The following CDH4 variants were observed in gnomAD, a reference collection of about 807,000 sequenced individuals.
CDH4 encodes cadherin 4.
A neutral mutation model predicts 86.0 loss-of-function variants in CDH4; 33 were observed. The observed-to-expected ratio is 0.38, with a 90% CI of 0.29 to 0.51. The LOEUF is 0.51. Among genes scored for constraint, CDH4 ranks in the 20% least tolerant of loss-of-function variants. The probability of loss-of-function intolerance (pLI) is 0.86; values close to 1 mark genes in which losing one functional copy is unlikely to be tolerated. For synonymous variants in CDH4, 555 were observed against 549.4 expected, an observed-to-expected ratio of 1.01 and a Z score of -0.14; for missense variants, 1,114 against 1,307.4, an observed-to-expected ratio of 0.85 and a Z score of 2.28.
chr20:61,578,864 G>A lies in CDH4; in HGVS notation c.170-164699G>A, dbSNP rs145189241. 2.0e-3 allele frequency among the ~76,000 whole-genome samples: 310 copies of A among 152,216 alleles called. 1 individual carries two copies. The highest frequency in any genetic ancestry group is 7.0e-3 in the African/African-American group (291 of 41,520). ...GGCCCAGGACAAGTCTAGATCCTCC[G>A]GTCAAGCAATAAGACAACAGACACC... On this transcript the variant is annotated intron_variant, in intron 2 of 15. Transcript: ENST00000614565.
rs79856002 is a variant in CDH4 at position 61,368,945 on chromosome 20, G to A, written c.169+114008G>A. On this transcript the variant is annotated intron_variant, in intron 2 of 15. Transcript: ENST00000614565. ...GTTGACACAATCCACTGAGAAGGAC[G>A]CAGCATCATTTTTGTGATATATCCC... is the stretch of plus-strand genomic sequence containing the variant. Among the ~76,000 whole-genome samples the A allele has an allele frequency of 1.5e-3, 230 of 152,270 alleles. 2 individuals carry two copies. Among genetic ancestry groups the A allele is most frequent in the African/African-American group, 5.3e-3 (220 of 41,550 alleles).
chr20:61,565,767 C>T (rs2086292777), intron 2 of CDH4, among the ~76,000 whole-genome samples: 1 of 152,198 alleles, frequency 6.6e-6, no homozygotes, highest in Admixed American at 6.5e-5. Context: ...GAGGAGAAGC[C>T]TCCTTCCACG....
At chr20:61,551,532 C>T (rs2086129773) in intron 2 of CDH4, among the ~76,000 whole-genome samples, 1 of 152,232 alleles carries the variant, frequency 6.6e-6, no homozygotes, top group South Asian at 2.1e-4. Context: ...CTCCTGGCCT[C>T]TCACAGCTCA....
intron 4 of CDH4, among the ~76,000 whole-genome samples, chr20:61,832,871 CT>C (rs60117729): frequency 0.012 from 1,859 of 152,290 alleles, 31 homozygotes; most frequent in East Asian, 0.06. Flanking sequence ...TCTACGACCT[CT>C]TATTTCTGTG....
In CDH4 at chr20:61,305,210, G is replaced by A. The variant is rs1282187021; in HGVS notation, c.169+50273G>A. On this transcript the variant is annotated intron_variant, in intron 2 of 15. Transcript: ENST00000614565. ...TGTGTTTCGGTGGATCTATAAACCT[G>A]CCTTTTTGTTTTGTGATTTTTGTTT... 4.6e-5 allele frequency among the ~76,000 whole-genome samples: 7 copies of A among 152,142 alleles called. No homozygotes were observed. In the South Asian group the frequency reaches 1.5e-3, roughly 32 times the overall value.
rs569908628 is a variant in CDH4, at chr20:61,278,054, C to T, written c.169+23117C>T. Among the ~76,000 whole-genome samples the T allele has an allele frequency of 3.3e-5, 5 of 150,028 alleles. No homozygotes were observed. The East Asian group carries it at 1.0e-3, about 30-fold the overall frequency. On this transcript the variant is annotated intron_variant, in intron 2 of 15. Transcript: ENST00000614565. Reference sequence around the variant, plus strand: ...CATTTGATAAACTTTCACTCAGTGGCAGTTTGCCTGCTCCGGGCATCTGTG... The same window carrying T: ...CATTTGATAAACTTTCACTCAGTGGTAGTTTGCCTGCTCCGGGCATCTGTG...
intron 2 of CDH4, among the ~76,000 whole-genome samples, chr20:61,660,169 C>T (rs1221675182): frequency 6.6e-6 from 1 of 152,194 alleles, no homozygotes; most frequent in Non-Finnish European, 1.5e-5. Flanking sequence ...TTTCTCTGAC[C>T]TTCGTCTCTG....
At chr20:61,755,448 ACC>A in intron 3 of CDH4, among the ~76,000 whole-genome samples, 1 of 133,052 alleles carries the variant, frequency 7.5e-6, no homozygotes, top group African/African-American at 3.4e-5. Context: ...ACACACACAC[ACC>A]CCGTACACAC....
intron 2 of CDH4, among the ~76,000 whole-genome samples, chr20:61,714,428 A>G (rs1349355816): frequency 7.2e-6 from 1 of 138,830 alleles, no homozygotes. Context: ...TTTCTTATAT[A>G]TTTTTATTCC....
chr20:61,759,956 C>G (rs1400843815), intron 3 of CDH4, among the ~76,000 whole-genome samples: 2 of 152,190 alleles, frequency 1.3e-5, no homozygotes, highest in South Asian at 2.1e-4. Flanking sequence ...GGGGTGCAGC[C>G]CGGCCAGGAC....
intron 2 of CDH4, among the ~76,000 whole-genome samples, chr20:61,266,917 G>A (rs1482905065): frequency 6.6e-6 from 1 of 152,154 alleles, no homozygotes; most frequent in Non-Finnish European, 1.5e-5. Context: ...AGATCATCCT[G>A]GATTACCTGG....
chr20:61,339,809 A>C (rs1420751081), intron 2 of CDH4, among the ~76,000 whole-genome samples: 2 of 152,180 alleles, frequency 1.3e-5, no homozygotes, highest in African/African-American at 4.8e-5. Context: ...AGAGGGATCC[A>C]TTATCTGATG....
intron 9 of CDH4, among the ~76,000 whole-genome samples, chr20:61,913,648 G>T (rs1248199871): frequency 6.6e-6 from 1 of 152,234 alleles, no homozygotes; most frequent in Non-Finnish European, 1.5e-5. Context: ...TTCCTGAGAT[G>T]GGAAATCATC....
intron 2 of CDH4, among the ~76,000 whole-genome samples, chr20:61,294,401 AG>A (rs1455129708): frequency 6.6e-6 from 1 of 152,180 alleles, no homozygotes; most frequent in East Asian, 1.9e-4. Context: ...CAGCAGTCAA[AG>A]TGCACTGAGA....
chr20:61,592,372 G>T (rs946372301), intron 2 of CDH4, among the ~76,000 whole-genome samples: 1 of 152,160 alleles, frequency 6.6e-6, no homozygotes, highest in Non-Finnish European at 1.5e-5. Flanking sequence ...CCCTGCAGTG[G>T]TTCCACAGGG....
At chr20:61,561,124 C>T (rs529287370) in intron 2 of CDH4, among the ~76,000 whole-genome samples, 2 of 152,314 alleles carry the variant, frequency 1.3e-5, no homozygotes, top group African/African-American at 4.8e-5. Flanking sequence ...GTCCCCACCC[C>T]ACCACCCCCA....
At chr20:61,549,298 C>T (rs549625876) in intron 2 of CDH4, among the ~76,000 whole-genome samples, 20 of 152,072 alleles carry the variant, frequency 1.3e-4, no homozygotes, top group African/African-American at 4.1e-4. Flanking sequence ...GGGTAAGGAA[C>T]GGGGTACCTC....
chr20:61,504,251 T>C (rs1319201425), intron 2 of CDH4, among the ~76,000 whole-genome samples: 1 of 152,222 alleles, frequency 6.6e-6, no homozygotes, highest in Non-Finnish European at 1.5e-5. Context: ...CCCTCTGTGT[T>C]GCCCATGTCT....
Position 61,741,533 on chromosome 20 carries a change from G to A in CDH4, c.170-2030G>A, listed in dbSNP as rs531055931. Among the ~76,000 whole-genome samples the A allele has an allele frequency of 8.6e-5, 13 of 150,996 alleles. No individual in the cohort carries two copies. In the East Asian group the frequency reaches 9.8e-4, roughly 11 times the overall value. ...TTGAGACCGAGTCTCGCTCTGTTGC[G>A]CAGGCTGGAGTGCCATGGCGTGATC... On this transcript the variant is annotated intron_variant, in intron 2 of 15. Transcript: ENST00000614565.
Sources: allele counts gnomAD v4.1 joint callset (sites outside exome capture counted in the v4.1 genomes callset), GRCh38; gene constraint gnomAD v4.1.1; transcripts MANE v1.5; gene names NCBI Gene and HGNC (gene_info 2026-07-23, HGNC 2026-07-21).